The following CFAP54 variants were observed in gnomAD, a reference collection of about 807,000 sequenced individuals.
CFAP54 encodes cilia and flagella associated protein 54.
In CFAP54, 290 loss-of-function variants were observed where a neutral mutation model predicts 370.4. The observed-to-expected ratio is 0.78, with a 90% CI of 0.71 to 0.86. CFAP54 has a LOEUF of 0.86. Among genes scored for constraint, CFAP54 ranks in the 40% least tolerant of loss-of-function variants. The probability of loss-of-function intolerance (pLI) is 0.00; values close to 1 mark genes in which losing one functional copy is unlikely to be tolerated. For missense variants in CFAP54, 3,399 were observed against 3,528.7 expected (o/e 0.96, Z 0.93); for synonymous variants, 1,206 against 1,236.5 (o/e 0.98, Z 0.52).
intron 17 of CFAP54, among the ~76,000 whole-genome samples, chr12:96,560,216 T>A (rs1955801037): frequency 6.6e-6 from 1 of 152,194 alleles, no homozygotes; most frequent in Non-Finnish European, 1.5e-5. Context: ...ACACTGGAAC[T>A]TTTTTCTTCT....
At chr12:96,834,293 G>A (rs997733692) in intron 66 of CFAP54, among the ~76,000 whole-genome samples, 4 of 152,228 alleles carry the variant, frequency 2.6e-5, no homozygotes, top group Non-Finnish European at 5.9e-5. Flanking sequence ...TTGGGGTATC[G>A]GTTTTCTGGC....
rs368719889 is a variant in CFAP54 at position 96,674,311 on chromosome 12, G to A, written c.5564-5289G>A. ...CATTTCAGCTTTCATTTCTAGAGTG[G>A]TACAATGAAAGACACAATGTTTTTC... is the stretch of plus-strand genomic sequence containing the variant. On this transcript the variant is annotated intron_variant, in intron 39 of 67. Coordinates refer to ENST00000524981, the MANE Select transcript of CFAP54 (RefSeq NM_001306084.2). 2.4e-4 allele frequency among the ~76,000 whole-genome samples: 36 copies of A among 148,254 alleles called. 1 individual carries two copies. The South Asian group carries it at 7.1e-3, about 29-fold the overall frequency.
chr12:96,495,238 C>CTCCTTCCT (rs58756915), intron 1 of CFAP54, among the ~76,000 whole-genome samples: 1,343 of 133,144 alleles, frequency 0.01, 25 homozygotes, highest in African/African-American at 0.024. Context: ...CTTTTCTTTT[C>CTCCTTCCT]TCCTTCCTTC....
At chr12:96,518,842 A>T in intron 5 of CFAP54, 86 bp from the exon 6 acceptor site, 1 of 1,241,216 alleles carries the variant, frequency 8.1e-7, no homozygotes, top group Non-Finnish European at 1.0e-6. Context: ...ACTTGTGCTC[A>T]CAACTTAGAA....
At chr12:96,668,698 AG>A (rs1050559527) in intron 39 of CFAP54, among the ~76,000 whole-genome samples, 4 of 152,218 alleles carry the variant, frequency 2.6e-5, no homozygotes, top group African/African-American at 9.6e-5. Flanking sequence ...TGCAGCTTGT[AG>A]GAATGATGCA....
At position 96,594,385 on chromosome 12, in the gene CFAP54, A is replaced by G. The variant is rs1306949587; in HGVS notation, c.3455A>G (p.Gln1152Arg). ...DSSYALQAVT[Q>R]CYGLLAPIIY... ...AGCTATGCCCTTCAAGCTGTGACTC[A>G]ATGTTATGGACTTCTTGCTCCCATA... Residue 1152 changes from glutamine (Q) to arginine (R), a missense_variant, in exon 25 of 68, where the codon CAA (glutamine) becomes CGA (arginine). By Grantham distance (43) the Gln-to-Arg change is conservative (BLOSUM62 1). This residue lies in a region of CFAP54 where 2,796 missense variants were observed against 2,869.7 expected (regional missense o/e 0.97). Transcript: ENST00000524981. 2.6e-6 allele frequency: 4 copies of G among 1,534,598 alleles called. No individual in the cohort carries two copies. In the Admixed American group the frequency reaches 5.9e-5, roughly 23 times the overall value.
intron 11 of CFAP54, among the ~76,000 whole-genome samples, chr12:96,534,991 A>G (rs988161997): frequency 1.3e-4 from 19 of 149,084 alleles, no homozygotes; most frequent in African/African-American, 4.8e-4. Context: ...TAGAGCCACT[A>G]AGATTAGTTT....
chr12:96,834,129 G>T (rs1425232767), intron 66 of CFAP54, among the ~76,000 whole-genome samples: 1 of 152,144 alleles, frequency 6.6e-6, no homozygotes, highest in Non-Finnish European at 1.5e-5. Context: ...GTAAATAAGG[G>T]GTGAGAAAGT....
chr12:96,503,139 C>CTCTT (rs568262787), intron 2 of CFAP54, among the ~76,000 whole-genome samples: 1 of 146,808 alleles, frequency 6.8e-6, no homozygotes, highest in Non-Finnish European at 1.5e-5. Flanking sequence ...TCTCTCTCTC[C>CTCTT]TCTTTCTTTC....
chr12:96,662,950 A>G (rs945620843), intron 38 of CFAP54, among the ~76,000 whole-genome samples: 1 of 152,092 alleles, frequency 6.6e-6, no homozygotes, highest in Non-Finnish European at 1.5e-5. Context: ...ATAATGTACC[A>G]TACTATTTGT....
At chr12:96,504,145 A>G (rs1243203531) in intron 3 of CFAP54, 116 bp downstream of exon 3, 4 of 961,732 alleles carry the variant, frequency 4.2e-6, no homozygotes, top group East Asian at 3.0e-5. Flanking sequence ...GCTGTGTGCT[A>G]TAAGTTGCTT....
intron 26 of CFAP54, among the ~76,000 whole-genome samples, chr12:96,619,467 A>T (rs539090238): frequency 9.2e-6 from 1 of 108,870 alleles, no homozygotes; most frequent in East Asian, 2.1e-4. Flanking sequence ...TTTCTTCTTT[A>T]AGCATCAGTA....
At chr12:96,682,668 C>T (rs928534139) in intron 40 of CFAP54, among the ~76,000 whole-genome samples, 5 of 152,258 alleles carry the variant, frequency 3.3e-5, no homozygotes, top group East Asian at 1.9e-4. Context: ...CCACTGTACC[C>T]GGCTATGTCT....
At chr12:96,507,871 A>G (rs2136354675) in intron 4 of CFAP54, among the ~76,000 whole-genome samples, 1 of 152,292 alleles carries the variant, frequency 6.6e-6, no homozygotes, top group East Asian at 1.9e-4. Flanking sequence ...ATTTGCTGCC[A>G]GAGATGAGGC....
intron 39 of CFAP54, among the ~76,000 whole-genome samples, chr12:96,665,534 A>G (rs1957071259): frequency 6.6e-6 from 1 of 152,170 alleles, no homozygotes; most frequent in Non-Finnish European, 1.5e-5. Flanking sequence ...AATCTTCTAT[A>G]TATGTCCAGC....
At chr12:96,511,855 G>T (rs918318204) in intron 4 of CFAP54, among the ~76,000 whole-genome samples, 1 of 152,200 alleles carries the variant, frequency 6.6e-6, no homozygotes, top group Admixed American at 6.5e-5. Context: ...ACGAATATTA[G>T]ATACTTTATA....
chr12:96,620,165 A>C (rs1956469977), intron 26 of CFAP54, among the ~76,000 whole-genome samples: 1 of 152,098 alleles, frequency 6.6e-6, no homozygotes, highest in Non-Finnish European at 1.5e-5. Context: ...CTAAGCAGCC[A>C]CTCATTATTG....
chr12:96,775,681 T>C (rs1958510515), intron 60 of CFAP54, among the ~76,000 whole-genome samples: 1 of 152,188 alleles, frequency 6.6e-6, no homozygotes, highest in Non-Finnish European at 1.5e-5. Context: ...CTGTAGTTTT[T>C]GTTTTTGTTG....
chr12:96,657,436 A>T (rs1178452394), intron 36 of CFAP54, among the ~76,000 whole-genome samples: 1 of 152,248 alleles, frequency 6.6e-6, no homozygotes, highest in African/African-American at 2.4e-5. Context: ...TCTTCCTAAA[A>T]ATCTTACCAT....
Sources: allele counts gnomAD v4.1 joint callset (sites outside exome capture counted in the v4.1 genomes callset), GRCh38; gene constraint gnomAD v4.1.1; regional missense constraint gnomAD v4.1.1; transcripts MANE v1.5; gene names NCBI Gene and HGNC (gene_info 2026-07-23, HGNC 2026-07-21).